TRAF3IP2: variants seen among roughly 807,000 people sequenced by gnomAD.
TRAF3IP2 encodes E3 ubiquitin ligase TRAF3IP2.
TRAF3IP2 carries 35 observed loss-of-function variants against 57.9 expected under a neutral mutation model. The ratio of observed to expected loss-of-function variants is 0.60; its 90% CI spans 0.46 to 0.80. TRAF3IP2 has a LOEUF of 0.80. Ranked by LOEUF, TRAF3IP2 falls within the 30% of genes least tolerant of loss-of-function variation. The pLI, the probability that TRAF3IP2 is intolerant of heterozygous loss-of-function variation, is 0.00. For missense variants in TRAF3IP2, 556 were observed against 706.4 expected (o/e 0.79, Z 2.41); for synonymous variants, 251 against 268.9 (o/e 0.93, Z 0.65).
At chr6:111,598,246 C>A in intron 1 of TRAF3IP2, 1 of 184,788 alleles carries the variant, frequency 5.4e-6, no homozygotes, top group Non-Finnish European at 1.2e-5. Flanking sequence ...TCATACTTTG[C>A]CAAGGGAAAT....
At chr6:111,568,432 AGTGT>A (rs58088162) in intron 5 of TRAF3IP2, among the ~76,000 whole-genome samples, 5,255 of 145,866 alleles carry the variant, frequency 0.036, 92 homozygotes, top group Non-Finnish European at 0.055. Flanking sequence ...TATACTGCAG[AGTGT>A]GTGTGTGTGT....
intron 1 of TRAF3IP2, among the ~76,000 whole-genome samples, chr6:111,599,467 CTGTCCATGTGACAATGCTCCCTTGG>C (rs1796798499): frequency 6.6e-6 from 1 of 152,134 alleles, no homozygotes; most frequent in Non-Finnish European, 1.5e-5. Context: ...TGCTCCCTTG[CTGTCCATGTGACAATGCTCCCTTGG>C]TGTCCCAGTG....
intron 1 of TRAF3IP2, among the ~76,000 whole-genome samples, 186 bp downstream of exon 1, chr6:111,605,590 C>T (rs1796995533): frequency 6.6e-6 from 1 of 152,242 alleles, no homozygotes; most frequent in African/African-American, 2.4e-5. Context: ...CACATCCTTG[C>T]AGCACAAACT....
chr6:111,582,353 G>A (rs1314597697), intron 2 of TRAF3IP2, among the ~76,000 whole-genome samples: 1 of 152,136 alleles, frequency 6.6e-6, no homozygotes, highest in Non-Finnish European at 1.5e-5. Context: ...ATATTGCTTA[G>A]GCCTGGTCAT....
In TRAF3IP2 at chr6:111,597,784, G is replaced by T. The variant is rs1796737712; in HGVS notation, c.-8-5690C>A. On this transcript the variant is annotated intron_variant, in intron 1 of 8. Coordinates refer to ENST00000368761, the MANE Select transcript of TRAF3IP2 (RefSeq NM_147686.4). ...TGGAACAGCTGTGCATGTGAGCCTG[G>T]TTCTTGCTTGTTCTGACCCGACCCA... 4.4e-6 allele frequency: 2 copies of T among 453,894 alleles called. 1 individual carries two copies. Among genetic ancestry groups the T allele is most frequent in the East Asian group, 1.4e-4 (2 of 14,400 alleles). 28.1% of individuals were successfully genotyped at this position (453,894 alleles called of 1,614,324 possible). A position where few individuals can be genotyped will look rare whatever the true frequency, so the allele number is the denominator to read the frequency against.
At chr6:111,568,156 T>C (rs1192725981) in intron 5 of TRAF3IP2, among the ~76,000 whole-genome samples, 1 of 152,226 alleles carries the variant, frequency 6.6e-6, no homozygotes, top group African/African-American at 2.4e-5. Context: ...GTCATTATTA[T>C]GGTATTATGT....
chr6:111,599,471 C>T (rs2128385729), intron 1 of TRAF3IP2, among the ~76,000 whole-genome samples: 1 of 152,270 alleles, frequency 6.6e-6, no homozygotes, highest in East Asian at 1.9e-4. Flanking sequence ...CCCTTGCTGT[C>T]CATGTGACAA....
intron 1 of TRAF3IP2, among the ~76,000 whole-genome samples, chr6:111,594,757 T>G (rs1796626047): frequency 6.6e-6 from 1 of 151,912 alleles, no homozygotes. Context: ...CTACAAAAAA[T>G]TAAACAAATT....
intron 1 of TRAF3IP2, among the ~76,000 whole-genome samples, chr6:111,593,992 G>A (rs914541518): frequency 6.6e-6 from 1 of 151,984 alleles, no homozygotes; most frequent in African/African-American, 2.4e-5. Context: ...TTAGCTGGGC[G>A]TGGTGGCATG....
intron 5 of TRAF3IP2, among the ~76,000 whole-genome samples, chr6:111,569,724 C>T (rs1159771014): frequency 6.6e-6 from 1 of 152,114 alleles, no homozygotes; most frequent in Non-Finnish European, 1.5e-5. Context: ...CCACTGCACC[C>T]TAGCCTGGGC....
intron 5 of TRAF3IP2, among the ~76,000 whole-genome samples, chr6:111,568,938 C>T (rs963868013): frequency 2.0e-5 from 3 of 152,200 alleles, no homozygotes; most frequent in African/African-American, 7.2e-5. Flanking sequence ...ACAATTAACA[C>T]GTATGATAAC....
chr6:111,578,591 C>T (rs1489883000), intron 3 of TRAF3IP2, among the ~76,000 whole-genome samples: 2 of 152,200 alleles, frequency 1.3e-5, no homozygotes, highest in East Asian at 1.9e-4. Context: ...TTCAGTGAGT[C>T]GAGATCTCGC....
chr6:111,598,283 A>C lies in TRAF3IP2; in HGVS notation c.-8-6189T>G, dbSNP rs181347402. 392 of 172,854 alleles carry C rather than the reference A, an allele frequency of 2.3e-3. 1 individual carries two copies. Among genetic ancestry groups the C allele is most frequent in the Non-Finnish European group, 3.4e-3 (267 of 79,636 alleles). The allele number at this position is 172,854 out of a possible 1,614,324, so 10.7% of individuals were successfully genotyped here. Reference sequence around the variant, plus strand: ...TGATCTGTGCAATTTGGCAATAACTATCAGAATTTTAAAAGCTTATGCCCT... The same window carrying C: ...TGATCTGTGCAATTTGGCAATAACTCTCAGAATTTTAAAAGCTTATGCCCT... On this transcript the variant is annotated intron_variant, in intron 1 of 8. Coordinates refer to ENST00000368761, the MANE Select transcript of TRAF3IP2 (RefSeq NM_147686.4).
intron 7 of TRAF3IP2, among the ~76,000 whole-genome samples, chr6:111,564,691 G>A (rs1795567977): frequency 6.6e-6 from 1 of 152,204 alleles, no homozygotes; most frequent in Non-Finnish European, 1.5e-5. Flanking sequence ...AAGGGCCCAA[G>A]ACATTGTGGC....
chr6:111,570,170 C>T (rs1277306504), intron 5 of TRAF3IP2, among the ~76,000 whole-genome samples: 3 of 152,308 alleles, frequency 2.0e-5, no homozygotes, highest in Non-Finnish European at 1.5e-5. Context: ...AGAAGACAGC[C>T]TCAGGATGAA....
chr6:111,591,383 T>G lies in TRAF3IP2; in HGVS notation c.704A>C (p.Glu235Ala), dbSNP rs771255680. 10 of 1,544,880 alleles carry G rather than the reference T, an allele frequency of 6.5e-6. No homozygotes were observed. In the African/African-American group the frequency reaches 1.4e-4, roughly 21 times the overall value. Residue 235 changes from glutamate to alanine, a missense_variant, in exon 2 of 9, where the codon GAG (glutamate) becomes GCG (alanine). By Grantham distance (107) the Glu-to-Ala change is moderately radical. This residue lies in a region of TRAF3IP2 where 428 missense variants were observed against 498.7 expected (regional missense o/e 0.86). Coordinates refer to ENST00000368761, the MANE Select transcript of TRAF3IP2 (RefSeq NM_147686.4). The surrounding 1 kb of genome is among the most constrained non-coding windows in gnomAD (Gnocchi z 4.9). ...CCTCTGAGGTTCAAACTGAGGGAACTCCCTGGACCTGAGAGGTCTGGGGAG... is the reference window on the plus strand; with the variant it reads ...CCTCTGAGGTTCAAACTGAGGGAACGCCCTGGACCTGAGAGGTCTGGGGAG... ...QDLPRPLRSR[E>A]FPQFEPQRYP...
intron 1 of TRAF3IP2, among the ~76,000 whole-genome samples, chr6:111,595,577 C>T (rs934555671): frequency 6.6e-6 from 1 of 152,194 alleles, no homozygotes; most frequent in African/African-American, 2.4e-5. Flanking sequence ...CGCCTGTAAT[C>T]CCAGCACTTT....
chr6:111,601,474 A>C, intron 1 of TRAF3IP2: 1 of 376,938 alleles, frequency 2.7e-6, no homozygotes, highest in Non-Finnish European at 4.9e-6. Flanking sequence ...GACAACTCTA[A>C]GGCAAGGACG....
At chr6:111,563,771 G>A (rs988844723) in intron 7 of TRAF3IP2, among the ~76,000 whole-genome samples, 1 of 152,224 alleles carries the variant, frequency 6.6e-6, no homozygotes, top group Non-Finnish European at 1.5e-5. Context: ...TAGAGCACAA[G>A]ATGGGCTTGG....
Sources: gnomAD v4.1 joint callset for allele counts (sites outside exome capture counted in the v4.1 genomes callset) on GRCh38, gnomAD v4.1.1 for gene constraint, gnomAD v4.1.1 regional missense constraint, Gnocchi (gnomAD v3.1) non-coding constraint, MANE v1.5 for transcripts, NCBI Gene and HGNC (gene_info 2026-07-23, HGNC 2026-07-21) for gene names.